ACSM3: variants seen among roughly 807,000 people sequenced by gnomAD.
The protein encoded by ACSM3 is acyl-CoA synthetase medium chain family member 3.
A neutral mutation model predicts 74.1 loss-of-function variants in ACSM3; 61 were observed. The ratio of observed to expected loss-of-function variants is 0.82; its 90% CI spans 0.67 to 1.02. The LOEUF (loss-of-function observed/expected upper bound fraction) is 1.02, where lower values mean the gene tolerates loss of function less well. ACSM3 is among the 50% of genes least tolerant of loss of function. The pLI, the probability that ACSM3 is intolerant of heterozygous loss-of-function variation, is 0.00. For missense variants in ACSM3, 660 were observed against 697.0 expected (o/e 0.95, Z 0.60); for synonymous variants, 213 against 241.5 (o/e 0.88, Z 1.09).
chr16:20,785,030 A>C lies in ACSM3; in HGVS notation c.1066A>C (p.Ile356Leu). The C allele has an allele frequency of 6.2e-7, 1 of 1,613,744 alleles. No homozygotes were observed. The highest frequency in any genetic ancestry group is 8.5e-7 in the Non-Finnish European group (1 of 1,179,736). The stretch of plus-strand genomic sequence containing the variant: ...GCACTGTGTGAGTGCTGGGGAACCA[A>C]TTACCCCTGACGTGACTGAAAAATG... ...LKHCVSAGEP[I>L]TPDVTEKWRN... Residue 356 changes from isoleucine to leucine, a missense_variant, in exon 8 of 14, where the codon ATT (isoleucine) becomes CTT (leucine). Ile to Leu is a conservative substitution (Grantham distance 5). Coordinates refer to ENST00000289416, the MANE Select transcript of ACSM3 (RefSeq NM_005622.4).
chr16:20,788,263 A>AT (rs1410852442), intron 9 of ACSM3, among the ~76,000 whole-genome samples: 1 of 152,188 alleles, frequency 6.6e-6, no homozygotes, highest in African/African-American at 2.4e-5. Flanking sequence ...TCTGCATTAC[A>AT]GGGAAGTTGA....
intron 1 of ACSM3, among the ~76,000 whole-genome samples, chr16:20,746,164 G>A (rs2079956794): frequency 6.6e-6 from 1 of 152,040 alleles, no homozygotes; most frequent in Non-Finnish European, 1.5e-5. Flanking sequence ...CTCACATCAT[G>A]GGTTATTAGG....
chr16:20,740,878 A>T (rs909221698), intron 1 of ACSM3, among the ~76,000 whole-genome samples: 6 of 152,198 alleles, frequency 3.9e-5, no homozygotes, highest in Non-Finnish European at 7.3e-5. Context: ...CTTCAGGTAA[A>T]CACATTATTA....
At chr16:20,796,652 A>G in intron 13 of ACSM3, 163 bp downstream of exon 13, 2 of 1,483,702 alleles carry the variant, frequency 1.3e-6, no homozygotes, top group South Asian at 2.7e-5. Flanking sequence ...GATTAAAATG[A>G]AACCCTGAAC....
chr16:20,760,902 C>A (rs1309524985), upstream of ACSM3, among the ~76,000 whole-genome samples: 1 of 152,178 alleles, frequency 6.6e-6, no homozygotes, highest in Non-Finnish European at 1.5e-5. Flanking sequence ...GAGGCTTCAT[C>A]TACTTGAAAA....
intron 1 of ACSM3, among the ~76,000 whole-genome samples, chr16:20,766,947 C>A (rs2080132561): frequency 6.6e-6 from 1 of 151,892 alleles, no homozygotes; most frequent in South Asian, 2.1e-4. Flanking sequence ...CATAAAGAAA[C>A]CCTGAAAAGA....
chr16:20,710,957 G>T (rs959888140), intron 1 of ACSM3, among the ~76,000 whole-genome samples: 2 of 151,900 alleles, frequency 1.3e-5, no homozygotes, highest in African/African-American at 4.8e-5. Flanking sequence ...ATGGTAGTGG[G>T]CACCTATAAT....
At chr16:20,685,371 C>T in intron 1 of ACSM3, 5 of 1,614,204 alleles carry the variant, frequency 3.1e-6, no homozygotes, top group Non-Finnish European at 4.2e-6. Flanking sequence ...CATTCACCCA[C>T]CAAAAAGCTG....
intron 1 of ACSM3, chr16:20,681,272 G>T (rs1449653286): frequency 2.0e-5 from 3 of 152,200 alleles, no homozygotes; most frequent in Non-Finnish European, 2.9e-5. Context: ...ATTGGCATTA[G>T]ATTATCACTT....
intron 1 of ACSM3, among the ~76,000 whole-genome samples, chr16:20,725,765 A>C (rs1388492578): frequency 6.6e-6 from 1 of 152,196 alleles, no homozygotes; most frequent in East Asian, 1.9e-4. Flanking sequence ...TGAGGTCAGG[A>C]GTTCAAGACC....
intron 1 of ACSM3, among the ~76,000 whole-genome samples, chr16:20,713,594 T>C (rs1279106810): frequency 6.6e-6 from 1 of 152,184 alleles, no homozygotes. Flanking sequence ...CTCTTCTCTA[T>C]CCCAGTTGCC....
chr16:20,685,831 A>AAAT (rs2079541525), intron 1 of ACSM3, among the ~76,000 whole-genome samples: 1 of 116,832 alleles, frequency 8.6e-6, no homozygotes, highest in Non-Finnish European at 1.9e-5. Context: ...AAAAAAAAAA[A>AAAT]CAAACAAAAA....
intron 1 of ACSM3, among the ~76,000 whole-genome samples, chr16:20,764,936 G>A (rs185696308): frequency 6.6e-6 from 1 of 152,146 alleles, no homozygotes; most frequent in African/African-American, 2.4e-5. Context: ...TGTATAGGAG[G>A]GGCTTCAGGC....
In ACSM3 at chr16:20,777,450, T is replaced by G; in HGVS notation, c.508T>G (p.Cys170Gly). 6.2e-7 allele frequency: 1 copy of G among 1,614,040 alleles called. No individual in the cohort carries two copies. The highest frequency in any genetic ancestry group is 2.2e-5 in the East Asian group (1 of 44,862). ...LYRLQSSKAN[C>G]IITNDVLAPA... ...CAGACTACAATCTTCAAAAGCAAAC[T>G]GCATTATCACCAATGATGTTTTAGC... Residue 170 changes from cysteine (C) to glycine (G), a missense_variant, in exon 4 of 14, where the codon TGC (cysteine) becomes GGC (glycine). Coordinates refer to ENST00000289416, the MANE Select transcript of ACSM3 (RefSeq NM_005622.4).
chr16:20,741,620 C>T (rs1020390638), intron 1 of ACSM3: 12 of 1,573,878 alleles, frequency 7.6e-6, no homozygotes, highest in African/African-American at 1.3e-5. Context: ...GTAGCCCGGG[C>T]TCTAGCTGAC....
chr16:20,773,205 G>A (rs1237271851), intron 2 of ACSM3, among the ~76,000 whole-genome samples: 1 of 151,958 alleles, frequency 6.6e-6, no homozygotes, highest in Non-Finnish European at 1.5e-5. Flanking sequence ...TATTTCTGTG[G>A]TACAGTTGTA....
chr16:20,746,836 C>T (rs976568512), intron 1 of ACSM3, among the ~76,000 whole-genome samples: 1 of 152,210 alleles, frequency 6.6e-6, no homozygotes, highest in Non-Finnish European at 1.5e-5. Context: ...GTGCCTGGGT[C>T]CCAGTTTTGA....
In ACSM3 at chr16:20,790,956, C is replaced by T; in HGVS notation, c.1326+268C>T. On this transcript the variant is annotated intron_variant, in intron 10 of 13. Transcript: ENST00000289416. The surrounding 1 kb of genome is among the most constrained non-coding windows in gnomAD (Gnocchi z 4.0). ...CCCTAGAAAGAGGACAGCCTCTTAA[C>T]ATCCCCTGATCCTCTCAATTATCAA... is the stretch of plus-strand genomic sequence containing the variant. The T allele has an allele frequency of 6.2e-7, 1 of 1,610,848 alleles. No homozygotes were observed. The highest frequency in any genetic ancestry group is 1.3e-5 in the African/African-American group (1 of 74,888).
chr16:20,745,334 C>T (rs2079953295), intron 1 of ACSM3, among the ~76,000 whole-genome samples: 2 of 152,010 alleles, frequency 1.3e-5, no homozygotes, highest in Admixed American at 1.3e-4. Flanking sequence ...GCTTGTAATC[C>T]CAGCACTTTG....
Sources: allele counts gnomAD v4.1 joint callset (sites outside exome capture counted in the v4.1 genomes callset), GRCh38; gene constraint gnomAD v4.1.1; non-coding constraint Gnocchi (gnomAD v3.1); transcripts MANE v1.5; gene names NCBI Gene and HGNC (gene_info 2026-07-23, HGNC 2026-07-21).